The following EXOC4 variants were observed in gnomAD, a reference collection of about 807,000 sequenced individuals.
The protein encoded by EXOC4 is exocyst complex component 4, also known as SEC8-like 1.
EXOC4 carries 71 observed loss-of-function variants against 107.2 expected under a neutral mutation model. That is an observed-to-expected ratio of 0.66 (90% CI 0.55 to 0.81). The LOEUF is 0.81. Among genes scored for constraint, EXOC4 ranks in the 30% least tolerant of loss-of-function variants. EXOC4 has a pLI of 0.00. For synonymous variants in EXOC4, 456 were observed against 441.2 expected (o/e 1.03, Z -0.42); for missense variants, 1,108 against 1,189.6 (o/e 0.93, Z 1.01).
intron 11 of EXOC4, among the ~76,000 whole-genome samples, chr7:133,880,157 C>A (rs963541846): frequency 6.6e-6 from 1 of 152,142 alleles, no homozygotes; most frequent in Non-Finnish European, 1.5e-5. Context: ...ATTCCTGTTC[C>A]CTTACCTTGT....
intron 10 of EXOC4, among the ~76,000 whole-genome samples, chr7:133,782,224 A>T: frequency 6.6e-6 from 1 of 152,238 alleles, no homozygotes; most frequent in Non-Finnish European, 1.5e-5. Flanking sequence ...TGTTGTATTT[A>T]TCCATATCCA....
At chr7:133,704,473 C>A (rs73724715) in intron 10 of EXOC4, among the ~76,000 whole-genome samples, 2,586 of 152,280 alleles carry the variant, frequency 0.017, 70 homozygotes, top group African/African-American at 0.059. Flanking sequence ...AATGCTTTCC[C>A]TTTTTCCTAT....
intron 1 of EXOC4, among the ~76,000 whole-genome samples, chr7:133,274,377 C>G (rs751041378): frequency 1.2e-4 from 18 of 152,168 alleles, no homozygotes; most frequent in Non-Finnish European, 2.2e-4. Flanking sequence ...CTGAAAGTGA[C>G]TTAAACAATG....
intron 5 of EXOC4, among the ~76,000 whole-genome samples, chr7:133,320,155 T>C (rs1229640667): frequency 2.0e-5 from 3 of 152,226 alleles, no homozygotes; most frequent in Admixed American, 2.0e-4. Flanking sequence ...TTTGTTTTGC[T>C]GAAAACAAGC....
intron 11 of EXOC4, among the ~76,000 whole-genome samples, chr7:133,831,672 A>C (rs917545627): frequency 1.3e-5 from 2 of 151,386 alleles, no homozygotes; most frequent in Non-Finnish European, 2.9e-5. Context: ...TAGGAATCCT[A>C]GTTCCTTTTA....
chr7:133,390,548 C>T (rs1322354464), intron 7 of EXOC4, among the ~76,000 whole-genome samples: 4 of 152,044 alleles, frequency 2.6e-5, no homozygotes, highest in African/African-American at 9.7e-5. Context: ...AGGGAAAGAC[C>T]TTGGGGTTGA....
chr7:133,819,562 G>A (rs1301600984), intron 11 of EXOC4, among the ~76,000 whole-genome samples: 1 of 152,074 alleles, frequency 6.6e-6, no homozygotes, highest in African/African-American at 2.4e-5. Context: ...AGAGTCATAA[G>A]TACCCACAGA....
chr7:134,004,371 A>G (rs760614945), intron 15 of EXOC4, among the ~76,000 whole-genome samples: 3 of 152,164 alleles, frequency 2.0e-5, no homozygotes, highest in Admixed American at 2.0e-4. Flanking sequence ...GTTTTCACCC[A>G]TATTTCGTGG....
chr7:134,074,727 G>C, the EXOC4 span, among the ~76,000 whole-genome samples: 3,687 of 152,216 alleles, frequency 0.024, 130 homozygotes, highest in African/African-American at 0.078. Context: ...AGGGATAGAG[G>C]CAAGGTCCTG....
At chr7:133,288,275 A>G (rs1794326802) in intron 2 of EXOC4, among the ~76,000 whole-genome samples, 1 of 152,082 alleles carries the variant, frequency 6.6e-6, no homozygotes, top group Non-Finnish European at 1.5e-5. Flanking sequence ...TTATTTTGTC[A>G]TGTTTTGCCT....
chr7:133,738,872 G>A (rs1795502703), intron 10 of EXOC4, among the ~76,000 whole-genome samples: 2 of 152,130 alleles, frequency 1.3e-5, no homozygotes, highest in Admixed American at 1.3e-4. Context: ...CACCTGAAAT[G>A]AATATGCTCT....
chr7:133,751,154 G>A (rs1302372782), intron 10 of EXOC4, among the ~76,000 whole-genome samples: 1 of 152,174 alleles, frequency 6.6e-6, no homozygotes, highest in Non-Finnish European at 1.5e-5. Flanking sequence ...TTAATTGCTT[G>A]CATAAAGTTG....
At chr7:133,571,549 A>G (rs1286093279) in intron 9 of EXOC4, among the ~76,000 whole-genome samples, 1 of 152,052 alleles carries the variant, frequency 6.6e-6, no homozygotes. Context: ...ATGCGCCTGT[A>G]GTCCTAGGTA....
At chr7:133,504,943 A>G (rs1799641052) in intron 9 of EXOC4, among the ~76,000 whole-genome samples, 1 of 152,088 alleles carries the variant, frequency 6.6e-6, no homozygotes, top group African/African-American at 2.4e-5. Flanking sequence ...AGTGTAGCCC[A>G]GTGAAATGAA....
At position 133,749,759 on chromosome 7, in the gene EXOC4, A is replaced by G. The variant is rs114046859; in HGVS notation, c.1515-67566A>G. On this transcript the variant is annotated intron_variant, in intron 10 of 17. Transcript: ENST00000253861. The stretch of plus-strand genomic sequence containing the variant: ...TCTTGTTAAACTTCAAAGGAATAAT[A>G]TTGTGTCTAAAATTTCAATTCAAGC... 9.2e-3 allele frequency among the ~76,000 whole-genome samples: 1,395 copies of G among 152,244 alleles called. 23 individuals are homozygous for G. The highest frequency in any genetic ancestry group is 0.031 in the African/African-American group (1,289 of 41,548).
At chr7:133,341,948 A>G (rs1795671000) in intron 5 of EXOC4, among the ~76,000 whole-genome samples, 6 of 152,148 alleles carry the variant, frequency 3.9e-5, no homozygotes, top group Admixed American at 3.9e-4. Context: ...GAGTCTCTTG[A>G]AGACAGCAGA....
chr7:133,842,713 T>C (rs528807083), intron 11 of EXOC4, among the ~76,000 whole-genome samples: 2 of 152,228 alleles, frequency 1.3e-5, no homozygotes, highest in African/African-American at 4.8e-5. Flanking sequence ...CTTTTCCAGG[T>C]CCTATGTCCA....
intron 9 of EXOC4, among the ~76,000 whole-genome samples, chr7:133,501,995 G>A (rs1156524107): frequency 3.3e-5 from 5 of 152,078 alleles, no homozygotes; most frequent in African/African-American, 1.2e-4. Context: ...ATTAATTAGA[G>A]AAGCATTTTC....
intron 9 of EXOC4, among the ~76,000 whole-genome samples, chr7:133,625,489 C>CTA (rs1449344595): frequency 6.6e-6 from 1 of 152,142 alleles, no homozygotes; most frequent in African/African-American, 2.4e-5. Context: ...AATCCTGTTT[C>CTA]TATTTCTTTC....
Sources: allele counts gnomAD v4.1 joint callset (sites outside exome capture counted in the v4.1 genomes callset), GRCh38; gene constraint gnomAD v4.1.1; transcripts MANE v1.5; gene names NCBI Gene and HGNC (gene_info 2026-07-23, HGNC 2026-07-21).